The following TRPV3 variants were observed in gnomAD, a reference collection of about 807,000 sequenced individuals.
TRPV3 encodes transient receptor potential cation channel subfamily V member 3.
In TRPV3, 88 loss-of-function variants were observed where a neutral mutation model predicts 87.1. The observed-to-expected ratio is 1.01, with a 90% CI of 0.85 to 1.21. The LOEUF is 1.21. Among genes scored for constraint, TRPV3 ranks in the 50% most tolerant of loss-of-function variants. The pLI, the probability that TRPV3 is intolerant of heterozygous loss-of-function variation, is 0.00. For missense variants in TRPV3, 1,054 were observed against 1,030.1 expected, an observed-to-expected ratio of 1.02 and a Z score of -0.32; for synonymous variants, 438 against 423.3, an observed-to-expected ratio of 1.03 and a Z score of -0.43.
chr17:3,523,718 C>CA (rs201681037), intron 13 of TRPV3, among the ~76,000 whole-genome samples: 13,821 of 78,138 alleles, frequency 0.18, 877 homozygotes, highest in Non-Finnish European at 0.22. Flanking sequence ...ACTTGGTCTC[C>CA]AAAAAAAAAA....
At chr17:3,514,362 A>G in intron 17 of TRPV3, 1 of 560,572 alleles carries the variant, frequency 1.8e-6, no homozygotes, top group African/African-American at 1.9e-5. Context: ...TACAGGCACG[A>G]GCCACCGCGC....
intron 2 of TRPV3, among the ~76,000 whole-genome samples, chr17:3,550,726 G>A (rs970941570): frequency 1.4e-4 from 22 of 151,756 alleles, no homozygotes; most frequent in South Asian, 6.2e-4. Context: ...GGGTTTCACC[G>A]TGTTAGCCAG....
rs112469370 is a variant in TRPV3 at position 3,556,407 on chromosome 17, C to T, written c.-3+1269G>A. On this transcript the variant is annotated intron_variant, in intron 1 of 17. Transcript: ENST00000576742. The surrounding 1 kb of genome is among the most constrained non-coding windows in gnomAD (Gnocchi z 4.2). ...GCTGGCCACAGAGGGATGACATGGG[C>T]GGGGAAAGGGCTGTGTGGACAGGTG... Among the ~76,000 whole-genome samples the T allele has an allele frequency of 0.082, 12,164 of 147,608 alleles. 638 individuals are homozygous for T. Among genetic ancestry groups the T allele is most frequent in the Non-Finnish European group, 0.12 (7,751 of 67,080 alleles).
At chr17:3,523,367 T>C (rs1311058716) in intron 13 of TRPV3, among the ~76,000 whole-genome samples, 1 of 152,202 alleles carries the variant, frequency 6.6e-6, no homozygotes, top group Non-Finnish European at 1.5e-5. Flanking sequence ...TCATGTCTGA[T>C]AGCACTCTTT....
chr17:3,543,275 A>G (rs996976123), intron 5 of TRPV3, among the ~76,000 whole-genome samples, 199 bp downstream of exon 5: 4 of 151,976 alleles, frequency 2.6e-5, no homozygotes, highest in Admixed American at 2.0e-4. Flanking sequence ...TCTTCCACAC[A>G]GTAGTCAGAC....
intron 13 of TRPV3, among the ~76,000 whole-genome samples, chr17:3,522,139 TC>T (rs2074252779): frequency 6.6e-6 from 1 of 152,148 alleles, no homozygotes. Flanking sequence ...TCAAAACTCA[TC>T]CCCGTCCAGT....
chr17:3,546,070 G>A (rs1027765971), intron 2 of TRPV3, among the ~76,000 whole-genome samples: 2 of 151,952 alleles, frequency 1.3e-5, no homozygotes, highest in Non-Finnish European at 2.9e-5. Context: ...TACTGAGCAC[G>A]TGTTGCACGT....
At position 3,512,702 on chromosome 17, in the gene TRPV3, G is replaced by C. The variant is rs886203672; in HGVS notation, c.*1215C>G. 1 of 151,916 alleles carries C rather than the reference G, an allele frequency of 6.6e-6. No individual in the cohort carries two copies. The highest frequency in any genetic ancestry group is 2.4e-5 in the African/African-American group (1 of 41,294). The allele number at this position is 151,916 out of a possible 1,614,324, so 9.4% of individuals were successfully genotyped here. A position where few individuals can be genotyped will look rare whatever the true frequency, so the allele number is the denominator to read the frequency against. ...CCTCTGCCCCCCAGACTGACTCCGT[G>C]TCATTTCAGAAAGAGAACATCAGAG... is the stretch of plus-strand genomic sequence containing the variant. On this transcript the variant is annotated 3_prime_UTR_variant, in exon 18 of 18. Transcript: ENST00000576742.
chr17:3,516,896 A>G (rs542130018), intron 15 of TRPV3, among the ~76,000 whole-genome samples: 61 of 152,338 alleles, frequency 4.0e-4, no homozygotes, highest in Admixed American at 2.3e-3. Flanking sequence ...CTGTAATCCC[A>G]GCACTTTGGG....
At chr17:3,514,533 G>C in intron 17 of TRPV3, 60 bp downstream of exon 17, 1 of 1,280,270 alleles carries the variant, frequency 7.8e-7, no homozygotes, top group Non-Finnish European at 1.1e-6. Context: ...GACTTGATCT[G>C]CCCAAGGTTA....
At position 3,520,889 on chromosome 17, in the gene TRPV3, A is replaced by G. The variant is rs8079980; in HGVS notation, c.1810+84T>C. Reference sequence around the variant, plus strand: ...ACTGGTAGTTGGTCTAATTGTTGCCAAGGCCGCCATGCACTTTGCCATTTT... The same window carrying G: ...ACTGGTAGTTGGTCTAATTGTTGCCGAGGCCGCCATGCACTTTGCCATTTT... On this transcript the variant is annotated intron_variant, in intron 14 of 17. Transcript: ENST00000576742. 853,779 of 871,496 alleles carry G rather than the reference A, an allele frequency of 0.98. 418,503 individuals carry two copies. The highest frequency in any genetic ancestry group is 1 in the East Asian group (36,293 of 36,294). The allele number at this position is 871,496 out of a possible 1,614,324, so 54.0% of individuals were successfully genotyped here. A position where few individuals can be genotyped will look rare whatever the true frequency, so the allele number is the denominator to read the frequency against.
At chr17:3,547,722 G>T (rs901029309) in intron 2 of TRPV3, among the ~76,000 whole-genome samples, 1 of 152,136 alleles carries the variant, frequency 6.6e-6, no homozygotes, top group Non-Finnish European at 1.5e-5. Context: ...GTGGAGGGGG[G>T]CAGCGGAGGG....
intron 2 of TRPV3, among the ~76,000 whole-genome samples, chr17:3,548,382 G>A (rs550827025): frequency 1.1e-4 from 17 of 152,184 alleles, no homozygotes; most frequent in Non-Finnish European, 2.1e-4. Flanking sequence ...CCTGCTTCCC[G>A]ACATCCAGGC....
In TRPV3 at chr17:3,532,740, T is replaced by C; in HGVS notation, c.982A>G (p.Ser328Gly). ...GTGGTCTCCAGCTCCCAGTTGCCAC[T>C]CCGCAGTAGGATCATGTCGTACATG... ...KRMYDMILLR[S>G]GNWELETTRN... The change falls in exon 8 of 18, where the codon AGT (serine) becomes GGT (glycine). Residue 328 changes from serine to glycine, a missense_variant. Physicochemically the swap from Ser to Gly is moderately conservative, Grantham distance 56. Coordinates refer to ENST00000576742, the MANE Select transcript of TRPV3 (RefSeq NM_145068.4). The C allele has an allele frequency of 6.2e-7, 1 of 1,614,254 alleles. No individual in the cohort carries two copies. The highest frequency in any genetic ancestry group is 2.2e-5 in the East Asian group (1 of 44,886).
rs2074321430 is a variant in TRPV3, at chr17:3,528,655, G to A, written c.1401+182C>T. Among the ~76,000 whole-genome samples the A allele has an allele frequency of 2.0e-5, 3 of 152,166 alleles. No homozygotes were observed. The highest frequency in any genetic ancestry group is 1.3e-4 in the Admixed American group (2 of 15,276). On this transcript the variant is annotated intron_variant, in intron 10 of 17. Transcript: ENST00000576742. The surrounding 1 kb of genome is among the most constrained non-coding windows in gnomAD (Gnocchi z 4.2). ...CTGCCCTTGGGACTCGGCACCTGGG[G>A]CTTAGCCCAGGCTAAGCACTGAAGA...
chr17:3,538,654 G>A (rs1244451023), intron 6 of TRPV3, among the ~76,000 whole-genome samples: 3 of 151,632 alleles, frequency 2.0e-5, no homozygotes, highest in East Asian at 1.9e-4. Flanking sequence ...GCGCGATCTC[G>A]GCTCACTGCA....
In TRPV3 at chr17:3,524,807, A is replaced by G. The variant is rs190366412; in HGVS notation, c.1578-444T>C. On this transcript the variant is annotated intron_variant, in intron 12 of 17. Coordinates refer to ENST00000576742, the MANE Select transcript of TRPV3 (RefSeq NM_145068.4). ...AGTGACATAGTGAGACCTTGTCTCTACAAAAAAAAAAAAAAAAAGAAAAGA... is the reference window on the plus strand; with the variant it reads ...AGTGACATAGTGAGACCTTGTCTCTGCAAAAAAAAAAAAAAAAAGAAAAGA... 7.9e-3 allele frequency among the ~76,000 whole-genome samples: 967 copies of G among 123,012 alleles called. 35 individuals carry two copies. The highest frequency in any genetic ancestry group is 0.065 in the Admixed American group (819 of 12,550). 80.7% of individuals were successfully genotyped at this position (123,012 alleles called of 152,430 possible).
At chr17:3,525,655 T>C (rs1200290138) in intron 12 of TRPV3, among the ~76,000 whole-genome samples, 1 of 151,730 alleles carries the variant, frequency 6.6e-6, no homozygotes, top group South Asian at 2.1e-4. Context: ...AGTCTCACTC[T>C]GTCGCCCAGG....
chr17:3,545,871 C>A (rs2074519090), intron 2 of TRPV3, among the ~76,000 whole-genome samples: 1 of 148,390 alleles, frequency 6.7e-6, no homozygotes, highest in Non-Finnish European at 1.5e-5. Flanking sequence ...GCACCTGTAA[C>A]CCCAGCTACT....
Sources: allele counts gnomAD v4.1 joint callset (sites outside exome capture counted in the v4.1 genomes callset), GRCh38; gene constraint gnomAD v4.1.1; non-coding constraint Gnocchi (gnomAD v3.1); transcripts MANE v1.5; gene names NCBI Gene and HGNC (gene_info 2026-07-23, HGNC 2026-07-21).